RANBP2: variants seen among roughly 807,000 people sequenced by gnomAD.
The protein encoded by RANBP2 is E3 SUMO-protein ligase RanBP2.
A neutral mutation model predicts 303.6 loss-of-function variants in RANBP2; 57 were observed. The observed-to-expected ratio is 0.19, with a 90% CI of 0.15 to 0.23. The LOEUF is 0.23. Ranked by LOEUF, RANBP2 falls within the 10% of genes least tolerant of loss-of-function variation. The pLI, the probability that RANBP2 is intolerant of heterozygous loss-of-function variation, is 1.00. For synonymous variants in RANBP2, 1,167 were observed against 1,301.5 expected (o/e 0.90, Z 2.23); for missense variants, 3,138 against 3,780.8 (o/e 0.83, Z 4.46).
At chr2:109,151,875 T>C in the RANBP2 span, among the ~76,000 whole-genome samples, 1 of 152,264 alleles carries the variant, frequency 6.6e-6, no homozygotes, top group Non-Finnish European at 1.5e-5. Flanking sequence ...ATTGTCATCA[T>C]GATAGAATCT....
At chr2:109,569,914 T>A in the RANBP2 span, among the ~76,000 whole-genome samples, 1 of 151,990 alleles carries the variant, frequency 6.6e-6, no homozygotes, top group African/African-American at 2.4e-5. Flanking sequence ...AAAACAACTA[T>A]CTGGAGGTGG....
At chr2:108,924,248 G>T in the RANBP2 span, among the ~76,000 whole-genome samples, 8 of 152,208 alleles carry the variant, frequency 5.3e-5, no homozygotes, top group Non-Finnish European at 1.2e-4. Flanking sequence ...GACTGCTCAG[G>T]TCCTGCTCTC....
chr2:109,651,619 A>G, the RANBP2 span, among the ~76,000 whole-genome samples: 1 of 152,238 alleles, frequency 6.6e-6, no homozygotes. Flanking sequence ...CCCTAAAAGG[A>G]GCAGTCACCA....
chr2:108,843,556 T>C, the RANBP2 span, among the ~76,000 whole-genome samples: 1 of 152,224 alleles, frequency 6.6e-6, no homozygotes, highest in South Asian at 2.1e-4. Context: ...TATCAGATTC[T>C]AGTGTGACAG....
the RANBP2 span, among the ~76,000 whole-genome samples, chr2:109,467,601 G>T: frequency 1.3e-5 from 2 of 152,182 alleles, no homozygotes; most frequent in Non-Finnish European, 2.9e-5. Context: ...TTGTCAAATA[G>T]ATATTTTTAA....
At chr2:109,060,953 C>G in the RANBP2 span, among the ~76,000 whole-genome samples, 5 of 151,868 alleles carry the variant, frequency 3.3e-5, no homozygotes, top group Non-Finnish European at 7.4e-5. Flanking sequence ...AGTCCAGCAC[C>G]CTAAGGAAGC....
At chr2:109,319,724 G>A in the RANBP2 span, among the ~76,000 whole-genome samples, 1 of 152,230 alleles carries the variant, frequency 6.6e-6, no homozygotes, top group Non-Finnish European at 1.5e-5. Context: ...GGTGTGGGCA[G>A]GTGCAGCCTG....
chr2:109,066,387 G>C, the RANBP2 span, among the ~76,000 whole-genome samples: 1 of 152,154 alleles, frequency 6.6e-6, no homozygotes, highest in African/African-American at 2.4e-5. Context: ...GATTATAGGC[G>C]TGAGCCACCG....
chr2:109,564,218 A>G, the RANBP2 span: 2 of 664,820 alleles, frequency 3.0e-6, no homozygotes, highest in Non-Finnish European at 4.4e-6. Context: ...GTGATTCAAG[A>G]AGCACAATAA....
At chr2:109,157,156 G>C in the RANBP2 span, among the ~76,000 whole-genome samples, 1,009 of 152,202 alleles carry the variant, frequency 6.6e-3, 10 homozygotes, top group African/African-American at 0.023. Flanking sequence ...TGATGTCCCA[G>C]AGTGTTAGAA....
chr2:109,163,390 CTTTTTTTTTTTTTTT>C, the RANBP2 span, among the ~76,000 whole-genome samples: 1 of 70,268 alleles, frequency 1.4e-5, no homozygotes, highest in African/African-American at 5.9e-5. Flanking sequence ...AGCAAATATT[CTTTTTTTTTTTTTTT>C]TTTTTTTTTT....
At chr2:109,154,297 G>C in the RANBP2 span, among the ~76,000 whole-genome samples, 1 of 152,172 alleles carries the variant, frequency 6.6e-6, no homozygotes, top group Admixed American at 6.5e-5. Flanking sequence ...AAGGAAGGGA[G>C]CCCCTGTTTC....
In RANBP2 at chr2:108,764,706, A is replaced by G. The variant is rs745692985; in HGVS notation, c.4167A>G (p.Pro1389=). 1.7e-5 allele frequency: 28 copies of G among 1,613,964 alleles called. No individual in the cohort carries two copies. In the South Asian group the frequency reaches 2.7e-4, roughly 16 times the overall value. ...NPSNKELVGP[P]LAETVFTPKT... ...GCAATAAAGAGCTCGTTGGCCCACC[A>G]TTAGCTGAAACTGTTTTTACTCCTA... The change falls in exon 20 of 29, where the codon CCA becomes CCG. Residue 1389 remains proline (P), a synonymous_variant. Coordinates refer to ENST00000283195, the MANE Select transcript of RANBP2 (RefSeq NM_006267.5).
chr2:108,751,479 A>G (rs1468332271), intron 10 of RANBP2, 34 bp downstream of exon 10: 3 of 1,611,686 alleles, frequency 1.9e-6, no homozygotes, highest in Non-Finnish European at 2.5e-6. Context: ...AAATATTCTG[A>G]ATTTTGTTTA....
chr2:109,610,533 G>T, the RANBP2 span, among the ~76,000 whole-genome samples: 2 of 152,120 alleles, frequency 1.3e-5, no homozygotes, highest in Non-Finnish European at 2.9e-5. Flanking sequence ...TGACCAACAT[G>T]GAGAAACCCT....
chr2:109,268,413 T>C, the RANBP2 span, among the ~76,000 whole-genome samples: 1 of 151,904 alleles, frequency 6.6e-6, no homozygotes, highest in Non-Finnish European at 1.5e-5. Flanking sequence ...AGAGCTGGGG[T>C]GCTCTGTCCT....
chr2:109,004,576 G>A, the RANBP2 span, among the ~76,000 whole-genome samples: 10 of 152,192 alleles, frequency 6.6e-5, no homozygotes, highest in African/African-American at 2.4e-4. Context: ...GCACAGGAGT[G>A]GGTTCCACCA....
At chr2:109,660,280 G>A in the RANBP2 span, among the ~76,000 whole-genome samples, 1 of 152,246 alleles carries the variant, frequency 6.6e-6, no homozygotes, top group South Asian at 2.1e-4. Context: ...CAGGCTGATT[G>A]TAGGCCAAGT....
rs1168712069 is a variant in RANBP2, at chr2:108,764,556, T to G, written c.4017T>G (p.Ala1339=). The part of the protein sequence containing the change: ...HDNKDICKSD[A]GNLNFEFQVA... ...ACAAGGATATTTGCAAATCTGATGC[T>G]GGAAACCTGAATTTTGAATTTCAGG... The change falls in exon 20 of 29, where the codon GCT becomes GCG. Residue 1339 remains alanine, a synonymous_variant. Coordinates refer to ENST00000283195, the MANE Select transcript of RANBP2 (RefSeq NM_006267.5). 7.4e-6 allele frequency: 12 copies of G among 1,613,774 alleles called. No homozygotes were observed. The highest frequency in any genetic ancestry group is 1.0e-5 in the Non-Finnish European group (12 of 1,179,946).
Sources: gnomAD v4.1 joint callset for allele counts (sites outside exome capture counted in the v4.1 genomes callset) on GRCh38, gnomAD v4.1.1 for gene constraint, MANE v1.5 for transcripts, NCBI Gene and HGNC (gene_info 2026-07-23, HGNC 2026-07-21) for gene names.